MEI4: variants seen among roughly 807,000 people sequenced by gnomAD.
MEI4 encodes the protein meiosis-specific protein MEI4.
A neutral mutation model predicts 31.4 loss-of-function variants in MEI4; 27 were observed. The ratio of observed to expected loss-of-function variants is 0.86; its 90% CI spans 0.63 to 1.19. The LOEUF is 1.19. Among genes scored for constraint, MEI4 ranks in the 50% most tolerant of loss-of-function variants. The pLI is 0.00. For synonymous variants in MEI4, 122 were observed against 145.4 expected (o/e 0.84, Z 1.16); for missense variants, 329 against 398.9 (o/e 0.82, Z 1.49).
At chr6:77,737,725 A>G (rs956440493) in intron 2 of MEI4, among the ~76,000 whole-genome samples, 2 of 152,176 alleles carry the variant, frequency 1.3e-5, no homozygotes, top group African/African-American at 4.8e-5. Context: ...AAGCCCCCAA[A>G]GGGGAACAAG....
intron 2 of MEI4, among the ~76,000 whole-genome samples, chr6:77,706,247 A>G (rs1453072463): frequency 6.6e-6 from 1 of 152,134 alleles, no homozygotes; most frequent in Admixed American, 6.5e-5. Context: ...TCTCTGACCT[A>G]CCTTATCTGA....
At chr6:77,663,484 G>C (rs1348285907) in intron 1 of MEI4, among the ~76,000 whole-genome samples, 1 of 152,152 alleles carries the variant, frequency 6.6e-6, no homozygotes, top group Non-Finnish European at 1.5e-5. Context: ...TGTAGTCCAG[G>C]AATAGTCAGG....
In MEI4 at chr6:77,925,119, C is replaced by T. The variant is rs893510518; in HGVS notation, c.*1773C>T. 2.0e-5 allele frequency: 3 copies of T among 151,828 alleles called. No individual in the cohort carries two copies. The highest frequency in any genetic ancestry group is 7.3e-5 in the African/African-American group (3 of 41,376). The allele number at this position is 151,828 out of a possible 1,614,324, so 9.4% of individuals were successfully genotyped here. On this transcript the variant is annotated 3_prime_UTR_variant, in exon 5 of 5. Transcript: ENST00000684080. ...ACAAGATTGGTAAATACACAAGTATCAGCAATGGCCCTTTCCCTATTGCAG... is the reference window on the plus strand; with the variant it reads ...ACAAGATTGGTAAATACACAAGTATTAGCAATGGCCCTTTCCCTATTGCAG...
chr6:77,708,954 A>G (rs773015291), intron 2 of MEI4, among the ~76,000 whole-genome samples: 33 of 152,220 alleles, frequency 2.2e-4, no homozygotes, highest in Admixed American at 1.6e-3. Flanking sequence ...GAATTTATTT[A>G]TAGCAACGTA....
intron 4 of MEI4, among the ~76,000 whole-genome samples, chr6:77,915,198 C>A (rs542491257): frequency 3.3e-5 from 5 of 151,814 alleles, no homozygotes; most frequent in Non-Finnish European, 7.4e-5. Context: ...CATTTAAGTC[C>A]TTTGTCTTCC....
At chr6:77,802,771 G>A (rs558428342) in intron 3 of MEI4, among the ~76,000 whole-genome samples, 1 of 152,238 alleles carries the variant, frequency 6.6e-6, no homozygotes, top group African/African-American at 2.4e-5. Flanking sequence ...CTTGAAAATT[G>A]TTTTCTTTAA....
chr6:77,734,856 C>G (rs994414129), intron 2 of MEI4, among the ~76,000 whole-genome samples: 10 of 151,684 alleles, frequency 6.6e-5, no homozygotes, highest in African/African-American at 2.2e-4. Flanking sequence ...TCAGCATTTG[C>G]TTGTCTGTAA....
intron 2 of MEI4, among the ~76,000 whole-genome samples, chr6:77,699,129 A>T (rs916550142): frequency 1.2e-4 from 18 of 151,552 alleles, no homozygotes; most frequent in Non-Finnish European, 2.6e-4. Context: ...TAGCTCCTTT[A>T]AGGACTTCTC....
rs1182557619 is a variant in MEI4, at chr6:77,880,177, A to G, written c.901-42912A>G. Among the ~76,000 whole-genome samples, 8 of 151,784 alleles carry G rather than the reference A, an allele frequency of 5.3e-5. No homozygotes were observed. In the East Asian group the frequency reaches 1.5e-3, roughly 29 times the overall value. On this transcript the variant is annotated intron_variant, in intron 4 of 4. Coordinates refer to ENST00000684080, the MANE Select transcript of MEI4 (RefSeq NM_001322247.2). ...ACATTGCCAGAGTAGAAGCCTTATG[A>G]TGGCAAGAACTGTATTTGTCTCTCT...
Position 77,800,985 on chromosome 6 carries a change from A to G in MEI4, c.769-27946A>G, listed in dbSNP as rs549922436. 1.8e-4 allele frequency among the ~76,000 whole-genome samples: 27 copies of G among 152,302 alleles called. No homozygotes were observed. The East Asian group carries it at 5.2e-3, about 29-fold the overall frequency. ...GGTTGTGTCTCTGCCAGGCTTTGGT[A>G]TCAGGATGATGCTGGCCTCATAAAA... On this transcript the variant is annotated intron_variant, in intron 3 of 4. Coordinates refer to ENST00000684080, the MANE Select transcript of MEI4 (RefSeq NM_001322247.2).
intron 2 of MEI4, among the ~76,000 whole-genome samples, chr6:77,749,978 G>GA (rs1360349947): frequency 6.6e-6 from 1 of 152,154 alleles, no homozygotes; most frequent in Non-Finnish European, 1.5e-5. Context: ...CATTCTTAAA[G>GA]AAAAGAGTTT....
intron 4 of MEI4, among the ~76,000 whole-genome samples, chr6:77,836,826 T>C (rs936618712): frequency 7.2e-5 from 11 of 152,068 alleles, no homozygotes; most frequent in African/African-American, 2.4e-4. Context: ...TCAGAGAGAA[T>C]AGAATTATAA....
intron 4 of MEI4, among the ~76,000 whole-genome samples, chr6:77,867,924 G>A (rs1771089156): frequency 6.6e-6 from 1 of 152,068 alleles, no homozygotes; most frequent in African/African-American, 2.4e-5. Context: ...TTAGGGACAT[G>A]GATAAAACTG....
intron 4 of MEI4, among the ~76,000 whole-genome samples, chr6:77,868,079 G>C (rs963919692): frequency 1.4e-5 from 2 of 146,464 alleles, no homozygotes; most frequent in African/African-American, 5.0e-5. Context: ...GGGGTGAGGG[G>C]TGGGAGGAGG....
chr6:77,912,555 G>T (rs958056255), intron 4 of MEI4, among the ~76,000 whole-genome samples: 4 of 151,468 alleles, frequency 2.6e-5, no homozygotes, highest in African/African-American at 9.7e-5. Flanking sequence ...TGTTTTTTTT[G>T]GGGGGTAATT....
intron 2 of MEI4, among the ~76,000 whole-genome samples, chr6:77,694,522 T>C (rs1316474560): frequency 6.6e-6 from 1 of 152,014 alleles, no homozygotes; most frequent in Non-Finnish European, 1.5e-5. Flanking sequence ...GTTTGGTTTT[T>C]TGTCCTTGTG....
Position 77,923,952 on chromosome 6 carries a change from AATTAGTT to A in MEI4, c.*607_*613del, listed in dbSNP as rs1331897142. The A allele has an allele frequency of 2.3e-4, 3 of 12,910 alleles. No homozygotes were observed. The highest frequency in any genetic ancestry group is 9.4e-4 in the African/African-American group (2 of 2,118). 0.8% of individuals were successfully genotyped at this position (12,910 alleles called of 1,614,324 possible). ...GTCGAGCTCTTTTGAAAATACTATT[AATTAGTT>A]GTTTAAAATGTTCTTTGTTTTTCAA... On this transcript the variant is annotated 3_prime_UTR_variant, in exon 5 of 5. Coordinates refer to ENST00000684080, the MANE Select transcript of MEI4 (RefSeq NM_001322247.2).
intron 4 of MEI4, among the ~76,000 whole-genome samples, chr6:77,858,098 C>T (rs1770784652): frequency 6.6e-6 from 1 of 152,092 alleles, no homozygotes; most frequent in Non-Finnish European, 1.5e-5. Flanking sequence ...ATGAAGTCTT[C>T]CATCTAAAAT....
chr6:77,735,097 T>G (rs1461233273), intron 2 of MEI4, among the ~76,000 whole-genome samples: 1 of 152,050 alleles, frequency 6.6e-6, no homozygotes, highest in Non-Finnish European at 1.5e-5. Context: ...TTCGGTGAAC[T>G]GACAATTATG....
Sources: allele counts gnomAD v4.1 joint callset (sites outside exome capture counted in the v4.1 genomes callset), GRCh38; gene constraint gnomAD v4.1.1; transcripts MANE v1.5; gene names NCBI Gene and HGNC (gene_info 2026-07-23, HGNC 2026-07-21).